Variants in SUPT3H observed in about 807,000 individuals in gnomAD.
SUPT3H encodes transcription initiation protein SPT3 homolog.
Under a neutral mutation model 44.3 loss-of-function variants are expected in SUPT3H, and 44 were observed. The ratio of observed to expected loss-of-function variants is 0.99; its 90% CI spans 0.78 to 1.28. The LOEUF (loss-of-function observed/expected upper bound fraction) is 1.28. Among genes scored for constraint, SUPT3H ranks in the 50% most tolerant of loss-of-function variants. The probability of loss-of-function intolerance (pLI) is 0.00; values close to 1 mark genes in which losing one functional copy is unlikely to be tolerated. For missense variants in SUPT3H, 380 were observed against 387.1 expected (o/e 0.98, Z 0.15); for synonymous variants, 124 against 125.6 (o/e 0.99, Z 0.09).
intron 2 of SUPT3H, among the ~76,000 whole-genome samples, chr6:45,225,859 T>C (rs1186900535): frequency 6.6e-6 from 1 of 152,148 alleles, no homozygotes; most frequent in Non-Finnish European, 1.5e-5. Flanking sequence ...CACATGGTTG[T>C]AGTAATTTAT....
chr6:45,122,926 A>T (rs1352418107), intron 2 of SUPT3H, among the ~76,000 whole-genome samples: 1 of 152,210 alleles, frequency 6.6e-6, no homozygotes, highest in Non-Finnish European at 1.5e-5. Flanking sequence ...CTTCATCATT[A>T]ACATGTTTGA....
intron 3 of SUPT3H, among the ~76,000 whole-genome samples, chr6:45,045,355 G>A (rs1789218828): frequency 6.6e-6 from 1 of 152,134 alleles, no homozygotes; most frequent in African/African-American, 2.4e-5. Context: ...AAACATCAAA[G>A]TATTAAGACC....
intron 10 of SUPT3H, among the ~76,000 whole-genome samples, chr6:44,901,585 T>C (rs1160787735): frequency 2.6e-5 from 4 of 151,896 alleles, no homozygotes; most frequent in African/African-American, 4.8e-5. Flanking sequence ...TGGAACCAAG[T>C]TGGAAAACAC....
chr6:45,166,549 C>T (rs1343445601), intron 2 of SUPT3H, among the ~76,000 whole-genome samples: 4 of 136,536 alleles, frequency 2.9e-5, no homozygotes, highest in Non-Finnish European at 6.1e-5. Context: ...TGGGCCACTG[C>T]ACTCCAGCCT....
chr6:45,242,808 A>C (rs1163804957), intron 2 of SUPT3H, among the ~76,000 whole-genome samples: 1 of 152,240 alleles, frequency 6.6e-6, no homozygotes, highest in East Asian at 1.9e-4. Flanking sequence ...GCACAAAAGC[A>C]GGAAAATAAG....
At chr6:45,199,301 A>T (rs1432287087) in intron 2 of SUPT3H, among the ~76,000 whole-genome samples, 1 of 151,286 alleles carries the variant, frequency 6.6e-6, no homozygotes, top group Non-Finnish European at 1.5e-5. Context: ...CTATTTTATT[A>T]TACCCTTCAG....
intron 2 of SUPT3H, among the ~76,000 whole-genome samples, chr6:45,226,357 C>A (rs1457454863): frequency 6.6e-6 from 1 of 151,850 alleles, no homozygotes; most frequent in Non-Finnish European, 1.5e-5. Context: ...GTGTGTATAA[C>A]GTTTACTCAA....
At chr6:45,282,096 A>G (rs1406115163) in intron 2 of SUPT3H, among the ~76,000 whole-genome samples, 2 of 152,228 alleles carry the variant, frequency 1.3e-5, no homozygotes, top group South Asian at 2.1e-4. Flanking sequence ...GTACGTCACT[A>G]TCATCAAAGA....
At chr6:45,232,743 ACT>A (rs1768290237) in intron 2 of SUPT3H, among the ~76,000 whole-genome samples, 2 of 151,778 alleles carry the variant, frequency 1.3e-5, no homozygotes, top group African/African-American at 4.8e-5. Context: ...AGGTTCTTCC[ACT>A]CTCTGTGACA....
intron 10 of SUPT3H, among the ~76,000 whole-genome samples, chr6:44,870,636 G>A (rs898449781): frequency 5.3e-5 from 8 of 151,644 alleles, no homozygotes; most frequent in African/African-American, 1.9e-4. Context: ...GAAAAAGAAG[G>A]GGGAGGAGCC....
intron 2 of SUPT3H, among the ~76,000 whole-genome samples, chr6:45,306,284 A>C (rs9369558): frequency 0.4 from 61,088 of 152,100 alleles, 12,698 homozygotes; most frequent in East Asian, 0.71. Flanking sequence ...GTTAGGAGTA[A>C]AAGAGATCAC....
intron 2 of SUPT3H, among the ~76,000 whole-genome samples, chr6:45,283,016 T>C (rs1584684533): frequency 6.6e-6 from 1 of 152,054 alleles, no homozygotes; most frequent in African/African-American, 2.4e-5. Flanking sequence ...AATAAAATAC[T>C]TTACAGGCAA....
intron 10 of SUPT3H, chr6:44,899,198 G>A (rs1052164635): frequency 2.0e-5 from 3 of 152,184 alleles, no homozygotes; most frequent in African/African-American, 4.8e-5. Context: ...ATGTCACTGA[G>A]TAGTGATGTA....
intron 2 of SUPT3H, among the ~76,000 whole-genome samples, chr6:45,154,274 A>C (rs958191261): frequency 2.6e-5 from 4 of 152,088 alleles, no homozygotes; most frequent in African/African-American, 9.7e-5. Flanking sequence ...GTTTGAAACG[A>C]AACAATTGGA....
chr6:45,244,787 T>C (rs1584468271), intron 2 of SUPT3H, among the ~76,000 whole-genome samples: 1 of 152,188 alleles, frequency 6.6e-6, no homozygotes, highest in African/African-American at 2.4e-5. Context: ...AATACACATG[T>C]TCATTCCCTT....
At chr6:45,176,720 G>A (rs560999620) in intron 2 of SUPT3H, among the ~76,000 whole-genome samples, 1 of 152,290 alleles carries the variant, frequency 6.6e-6, no homozygotes, top group African/African-American at 2.4e-5. Flanking sequence ...GCACCCAGCT[G>A]GAGATCTGAG....
At chr6:45,226,277 G>A (rs941172963) in intron 2 of SUPT3H, among the ~76,000 whole-genome samples, 2 of 151,980 alleles carry the variant, frequency 1.3e-5, no homozygotes, top group African/African-American at 4.8e-5. Context: ...GCCACCAGGG[G>A]ATGTACACTA....
At chr6:45,165,120 T>C (rs1229864041) in intron 2 of SUPT3H, among the ~76,000 whole-genome samples, 1 of 152,188 alleles carries the variant, frequency 6.6e-6, no homozygotes, top group East Asian at 1.9e-4. Flanking sequence ...AACAGCAGTT[T>C]ACTGCTAGGG....
chr6:45,071,580 C>A (rs1007537289), intron 3 of SUPT3H, among the ~76,000 whole-genome samples: 1 of 152,152 alleles, frequency 6.6e-6, no homozygotes, highest in Non-Finnish European at 1.5e-5. Context: ...CAAGAAACAG[C>A]TTTCCCAGAA....
Sources: gnomAD v4.1 joint callset for allele counts (sites outside exome capture counted in the v4.1 genomes callset) on GRCh38, gnomAD v4.1.1 for gene constraint, MANE v1.5 for transcripts, NCBI Gene and HGNC (gene_info 2026-07-23, HGNC 2026-07-21) for gene names.